HTT-AS: variants seen among roughly 807,000 people sequenced by gnomAD.
HTT-AS encodes HTT antisense RNA (head to head).
intron 1 of HTT-AS, among the ~76,000 whole-genome samples, chr4:3,074,168 C>A (rs1256875415): frequency 3.6e-4 from 49 of 134,696 alleles, no homozygotes; most frequent in Admixed American, 1.2e-3. Flanking sequence ...TCCCGCTCCG[C>A]CCCTCAGCCG....
downstream of HTT-AS, among the ~76,000 whole-genome samples, chr4:3,048,556 T>C (rs1578463176): frequency 1.3e-5 from 2 of 152,304 alleles, no homozygotes; most frequent in African/African-American, 4.8e-5. Flanking sequence ...ATGAGCTAGA[T>C]AAGAGGCTAC....
chr4:3,071,360 C>G (rs113661397), intron 1 of HTT-AS, among the ~76,000 whole-genome samples: 5,196 of 152,206 alleles, frequency 0.034, 263 homozygotes, highest in African/African-American at 0.11. Flanking sequence ...TGCTCAAGTC[C>G]CAGCCAACAC....
chr4:3,068,653 CTTTTT>C (rs563024282), intron 1 of HTT-AS, among the ~76,000 whole-genome samples: 4 of 139,146 alleles, frequency 2.9e-5, no homozygotes, highest in African/African-American at 5.4e-5. Context: ...GTGTGTGTAG[CTTTTT>C]TTTTTTTTTT....
intron 2 of HTT-AS, among the ~76,000 whole-genome samples, chr4:3,060,060 C>T (rs1472267479): frequency 6.6e-6 from 1 of 151,832 alleles, no homozygotes; most frequent in African/African-American, 2.4e-5. Context: ...TAGCTGTGTT[C>T]CTGGGTCTTT....
At chr4:3,065,287 G>A (rs1028433195) in intron 1 of HTT-AS, among the ~76,000 whole-genome samples, 1 of 151,064 alleles carries the variant, frequency 6.6e-6, no homozygotes, top group African/African-American at 2.4e-5. Flanking sequence ...TTGCCAGGCT[G>A]GAGTGCAGTG....
intron 2 of HTT-AS, among the ~76,000 whole-genome samples, chr4:3,053,028 T>A (rs1221375934): frequency 1.3e-5 from 2 of 151,774 alleles, no homozygotes; most frequent in African/African-American, 4.8e-5. Flanking sequence ...TTTTTGGAGA[T>A]CCGTTTTGCC....
intron 2 of HTT-AS, among the ~76,000 whole-genome samples, chr4:3,059,407 G>C (rs1319596855): frequency 6.7e-6 from 1 of 150,130 alleles, no homozygotes; most frequent in Non-Finnish European, 1.5e-5. Flanking sequence ...TTTTTTCCTT[G>C]ATCAGCTAAA....
chr4:3,050,964 A>C (rs967600542), intron 2 of HTT-AS, among the ~76,000 whole-genome samples: 4 of 151,194 alleles, frequency 2.6e-5, no homozygotes, highest in Non-Finnish European at 5.9e-5. Flanking sequence ...AAAACACTTG[A>C]TGTTATGCTT....
chr4:3,047,754 A>G (rs1352104773), downstream of HTT-AS, among the ~76,000 whole-genome samples: 2 of 152,220 alleles, frequency 1.3e-5, no homozygotes. Flanking sequence ...CGGAGGCCTG[A>G]CCATCTCCCT....
chr4:3,066,735 T>C (rs1200023677), intron 1 of HTT-AS, among the ~76,000 whole-genome samples: 1 of 152,208 alleles, frequency 6.6e-6, no homozygotes, highest in East Asian at 1.9e-4. Context: ...GAGCCTGGCA[T>C]TGCAAACAAA....
intron 1 of HTT-AS, among the ~76,000 whole-genome samples, chr4:3,066,251 C>A (rs1186373738): frequency 6.6e-6 from 1 of 152,052 alleles, no homozygotes; most frequent in Non-Finnish European, 1.5e-5. Flanking sequence ...CTCACTGCAA[C>A]CTCCACCTCC....
At chr4:3,054,496 G>A (rs1395419835) in intron 2 of HTT-AS, among the ~76,000 whole-genome samples, 1 of 152,140 alleles carries the variant, frequency 6.6e-6, no homozygotes, top group Non-Finnish European at 1.5e-5. Context: ...AAGATTATAA[G>A]AAGGCATGGG....
chr4:3,050,237 C>T (rs1423435011), intron 2 of HTT-AS, among the ~76,000 whole-genome samples: 5 of 152,180 alleles, frequency 3.3e-5, no homozygotes, highest in African/African-American at 4.8e-5. Context: ...GTGCATTGCA[C>T]GGATAACTGA....
intron 1 of HTT-AS, among the ~76,000 whole-genome samples, chr4:3,073,890 G>T (rs943539008): frequency 1.3e-5 from 2 of 152,184 alleles, no homozygotes; most frequent in Non-Finnish European, 2.9e-5. Flanking sequence ...CAGTGTGGCG[G>T]GAGGGCAAAC....
chr4:3,046,513 A>G (rs1435459246), downstream of HTT-AS, among the ~76,000 whole-genome samples: 1 of 152,240 alleles, frequency 6.6e-6, no homozygotes, highest in East Asian at 1.9e-4. Flanking sequence ...AGAAGTATGG[A>G]GTCCTTCTCA....
chr4:3,057,779 G>T (rs183116837), intron 2 of HTT-AS, among the ~76,000 whole-genome samples: 2 of 151,390 alleles, frequency 1.3e-5, no homozygotes, highest in Non-Finnish European at 3.0e-5. Context: ...GACTATAGGC[G>T]CCCGCCTGTA....
intron 2 of HTT-AS, among the ~76,000 whole-genome samples, chr4:3,060,679 G>C (rs1213770122): frequency 6.6e-6 from 1 of 152,238 alleles, no homozygotes; most frequent in Non-Finnish European, 1.5e-5. Context: ...TTGCACAGGT[G>C]AATGCTGGCA....
intron 2 of HTT-AS, among the ~76,000 whole-genome samples, chr4:3,059,790 C>G (rs1234921849): frequency 6.6e-6 from 1 of 152,170 alleles, no homozygotes; most frequent in African/African-American, 2.4e-5. Flanking sequence ...TCAGGCTGGT[C>G]TCAAACTCCT....
intron 2 of HTT-AS, among the ~76,000 whole-genome samples, chr4:3,059,648 G>A (rs1215634687): frequency 6.6e-6 from 1 of 151,858 alleles, no homozygotes; most frequent in African/African-American, 2.4e-5. Context: ...GGAGTGCAGT[G>A]GCCTGATCCC....
Sources: allele counts gnomAD v4.1 joint callset (sites outside exome capture counted in the v4.1 genomes callset), GRCh38; gene constraint gnomAD v4.1.1; transcripts MANE v1.5; gene names NCBI Gene and HGNC (gene_info 2026-07-23, HGNC 2026-07-21).